PCNX3: variants seen among roughly 807,000 people sequenced by gnomAD.
The protein encoded by PCNX3 is pecanex-like protein 3.
In PCNX3, 58 loss-of-function variants were observed where a neutral mutation model predicts 207.2. The observed-to-expected ratio is 0.28, with a 90% CI of 0.23 to 0.35. The LOEUF (loss-of-function observed/expected upper bound fraction) is 0.35. PCNX3 is among the 10% of genes least tolerant of loss of function. The pLI is 1.00. For synonymous variants in PCNX3, 1,337 were observed against 1,183.5 expected (o/e 1.13, Z -2.66); for missense variants, 2,410 against 2,774.4 (o/e 0.87, Z 2.95).
chr11:65,619,115 C>G (rs1449088890), intron 6 of PCNX3, 48 bp downstream of exon 6: 3 of 1,475,016 alleles, frequency 2.0e-6, no homozygotes, highest in Non-Finnish European at 2.8e-6. Context: ...GAGCTACGGG[C>G]TTGGGGTTGG....
chr11:65,623,712 C>A (rs867362300), intron 12 of PCNX3, 68 bp downstream of exon 12: 2 of 1,582,754 alleles, frequency 1.3e-6, no homozygotes, highest in Non-Finnish European at 1.7e-6. Context: ...CCCACAACTC[C>A]AGTTTTAAGG....
rs762664101 is a variant in PCNX3 at position 65,635,471 on chromosome 11, T to C, written c.5184+23T>C. 1 of 1,607,656 alleles carries C rather than the reference T, an allele frequency of 6.2e-7. No individual in the cohort carries two copies. ...AAGGTTGGGCCGGCCCCACCTGCCC[T>C]AAGCCCTGCCCCAAACCCCCTTGGG... On this transcript the variant is annotated intron_variant, in intron 31 of 34. Transcript: ENST00000355703. The surrounding 1 kb of genome is among the most constrained non-coding windows in gnomAD (Gnocchi z 9.9).
rs991707580 is a variant in PCNX3, at chr11:65,616,810, A to C, written c.154-14A>C. On this transcript the variant is annotated splice_polypyrimidine_tract_variant and intron_variant, in intron 1 of 34. Transcript: ENST00000355703. Reference sequence around the variant, plus strand: ...GGCTTTGTGAAAAGGGACCTGGCTTACTTTCATCTTCAGGTCCTGCCTCCC... The same window carrying C: ...GGCTTTGTGAAAAGGGACCTGGCTTCCTTTCATCTTCAGGTCCTGCCTCCC... The C allele has an allele frequency of 6.2e-7, 1 of 1,605,348 alleles. No homozygotes were observed. The highest frequency in any genetic ancestry group is 1.3e-5 in the African/African-American group (1 of 74,804).
chr11:65,622,165 G>GC lies in PCNX3; in HGVS notation c.2236-80_2236-79insC. ...AAGGGGGGTAACAGTAGACCATGTG[G>GC]GGGGTGGCGGGGCTGACGGCCGCGG... On this transcript the variant is annotated intron_variant, in intron 10 of 34. Transcript: ENST00000355703. The GC allele has an allele frequency of 2.0e-6, 3 of 1,504,070 alleles. No individual in the cohort carries two copies. In the South Asian group the frequency reaches 3.8e-5, roughly 19 times the overall value. The allele number at this position is 1,504,070 out of a possible 1,614,324, so 93.2% of individuals were successfully genotyped here.
intron 5 of PCNX3, 22 bp from the exon 6 acceptor site, chr11:65,617,918 C>G: frequency 6.4e-7 from 1 of 1,558,608 alleles, no homozygotes; most frequent in South Asian, 1.2e-5. Context: ...TTTTCATTTT[C>G]TGTTTCCCTT....
rs371964481 is a variant in PCNX3 at position 65,635,348 on chromosome 11, C to A, written c.5084C>A (p.Thr1695Lys). 1 of 1,610,578 alleles carries A rather than the reference C, an allele frequency of 6.2e-7. No individual in the cohort carries two copies. Among genetic ancestry groups the A allele is most frequent in the East Asian group, 2.2e-5 (1 of 44,688 alleles). Residue 1695 changes from threonine to lysine, a missense_variant, in exon 31 of 35, where the codon ACG becomes AAG. Around this residue, in one of 8 missense-constraint regions of PCNX3, gnomAD observed 420 missense variants for 705.3 expected, o/e 0.60. Transcript: ENST00000355703. This position sits in a 1 kb window ranked among gnomAD's most constrained non-coding sequence, Gnocchi z 9.9. ...TGGCGCAGCGCCATCCTCAGCAACA[C>A]GCCCTCCCTGCTGGCGCTGCGCCAT... Reference protein sequence around the residue: ...PAWRSAILSNTPSLLALRHVL... With the variant: ...PAWRSAILSNKPSLLALRHVL...
intron 20 of PCNX3, 36 bp from the exon 21 acceptor site, chr11:65,626,868 G>A: frequency 6.4e-7 from 1 of 1,566,708 alleles, no homozygotes; most frequent in Non-Finnish European, 8.6e-7. Context: ...GCAGGCATGT[G>A]GAAGCCAGGT....
chr11:65,625,846 C>G lies in PCNX3; in HGVS notation c.3229-58C>G, dbSNP rs967434209. The G allele has an allele frequency of 2.5e-6, 4 of 1,599,220 alleles. No homozygotes were observed. In the South Asian group the frequency reaches 4.5e-5, roughly 18 times the overall value. On this transcript the variant is annotated intron_variant, in intron 19 of 34. Coordinates refer to ENST00000355703, the MANE Select transcript of PCNX3 (RefSeq NM_032223.4). The surrounding 1 kb of genome is among the most constrained non-coding windows in gnomAD (Gnocchi z 5.6). ...CCTCCCCGGCCTGTGCCAGGTGGCC[C>G]TCTGTGGTCCCTTGGCCTGCTCCCA...
rs1854911094 is a variant in PCNX3 at position 65,618,878 on chromosome 11, A to G, written c.1516A>G (p.Met506Val). 4.3e-6 allele frequency: 7 copies of G among 1,610,740 alleles called. No individual in the cohort carries two copies. The highest frequency in any genetic ancestry group is 1.3e-5 in the African/African-American group (1 of 75,026). ...SAKTHARVLS[M>V]DGAGGDVLRP... ...TAAAACACATGCCCGTGTGCTGAGC[A>G]TGGATGGGGCTGGGGGTGATGTTCT... The change falls in exon 6 of 35, where the codon ATG becomes GTG. Residue 506 changes from methionine to valine, a missense_variant. By Grantham distance (21) the Met-to-Val change is conservative. Coordinates refer to ENST00000355703, the MANE Select transcript of PCNX3 (RefSeq NM_032223.4).
In PCNX3 at chr11:65,617,253, C is replaced by G; in HGVS notation, c.345C>G (p.Asp115Glu). Residue 115 changes from aspartate (D) to glutamate (E), a missense_variant, in exon 3 of 35, where the codon GAC becomes GAG. Around this residue, in one of 8 missense-constraint regions of PCNX3, gnomAD observed 1,104 missense variants for 970.3 expected, o/e 1.14. Coordinates refer to ENST00000355703, the MANE Select transcript of PCNX3 (RefSeq NM_032223.4). ...TGCTGCTCTTTTTCACCGCCAGGGA[C>G]CCCGGAGTGGAGATGACAGTGTTCC... ...PAQGDSNPPRDPGVEMTVFRK... is the reference protein window; with the variant it reads ...PAQGDSNPPREPGVEMTVFRK... 1 of 1,602,308 alleles carries G rather than the reference C, an allele frequency of 6.2e-7. No homozygotes were observed. The highest frequency in any genetic ancestry group is 1.1e-5 in the South Asian group (1 of 89,116).
Position 65,619,762 on chromosome 11 carries a change from A to G in PCNX3, c.1838A>G (p.Gln613Arg), listed in dbSNP as rs1343779681. Residue 613 changes from glutamine to arginine, a missense_variant, in exon 8 of 35, where the codon CAG becomes CGG. By Grantham distance (43) the Gln-to-Arg change is conservative. Transcript: ENST00000355703. ...SVMGSPPSSL[Q>R]EAQRGRAASH... ...GGGCTGACCCTCTCCAGCAGCCTGC[A>G]GGAAGCTCAGCGGGGCCGGGCTGCC... 1 of 1,570,004 alleles carries G rather than the reference A, an allele frequency of 6.4e-7. No individual in the cohort carries two copies.
chr11:65,621,208 C>T (rs979647283), intron 10 of PCNX3, among the ~76,000 whole-genome samples: 4 of 152,208 alleles, frequency 2.6e-5, no homozygotes, highest in African/African-American at 7.2e-5. Context: ...ACATTCCTAA[C>T]TCTGGAGGGT....
Position 65,634,978 on chromosome 11 carries a change from A to T in PCNX3, c.4811A>T (p.Glu1604Val). Residue 1604 changes from glutamate (E) to valine (V), a missense_variant, in exon 30 of 35, where the codon GAG (glutamate) becomes GTG (valine). By Grantham distance (121) the Glu-to-Val change is moderately radical. Coordinates refer to ENST00000355703, the MANE Select transcript of PCNX3 (RefSeq NM_032223.4). ...TASHSMSASLEPFLYGLHALF... is the reference protein window; with the variant it reads ...TASHSMSASLVPFLYGLHALF... ...CTGTTTTTCCTCCCACTTAGCCTGG[A>T]GCCCTTCCTCTACGGCCTGCACGCC... The T allele has an allele frequency of 6.2e-7, 1 of 1,612,532 alleles. No homozygotes were observed. The highest frequency in any genetic ancestry group is 8.5e-7 in the Non-Finnish European group (1 of 1,178,926).
At position 65,617,608 on chromosome 11, in the gene PCNX3, C is replaced by T. The variant is rs1483186788; in HGVS notation, c.482-3C>T. On this transcript the variant is annotated splice_region_variant and splice_polypyrimidine_tract_variant and intron_variant, in intron 4 of 34. Transcript: ENST00000355703. ...GCTGACACCTCTGGGGCCATGGTTG[C>T]AGACATCAAGGAGCTGGTGCGGGAG... The T allele has an allele frequency of 6.2e-7, 1 of 1,612,584 alleles. No individual in the cohort carries two copies. Among genetic ancestry groups the T allele is most frequent in the Non-Finnish European group, 8.5e-7 (1 of 1,179,274 alleles).
At position 65,624,358 on chromosome 11, in the gene PCNX3, T is replaced by C. The variant is rs1404351479; in HGVS notation, c.2708T>C (p.Val903Ala). 3 of 1,554,218 alleles carry C rather than the reference T, an allele frequency of 1.9e-6. No individual in the cohort carries two copies. The highest frequency in any genetic ancestry group is 2.6e-6 in the Non-Finnish European group (3 of 1,148,408). The change falls in exon 14 of 35, where the codon GTG (valine) becomes GCG (alanine). Residue 903 changes from valine to alanine, a missense_variant. Physicochemically the swap from Val to Ala is moderately conservative, Grantham distance 64. Around this residue, in one of 8 missense-constraint regions of PCNX3, gnomAD observed 177 missense variants for 257.5 expected, o/e 0.69. Coordinates refer to ENST00000355703, the MANE Select transcript of PCNX3 (RefSeq NM_032223.4). ...TCCTTCTTCTTCTGTGCCCGAGACG[T>C]GGCCACTGGTGAGGCTGGGGCAGGG... is the stretch of plus-strand genomic sequence containing the variant. ...SASFFFCARD[V>A]ATVFTLCFPF...
chr11:65,631,517 G>A (rs1177565690), intron 27 of PCNX3, among the ~76,000 whole-genome samples: 3 of 152,116 alleles, frequency 2.0e-5, no homozygotes, highest in Admixed American at 2.0e-4. Context: ...TAATTAGCCG[G>A]GTGTGATGGC....
At chr11:65,626,168 A>C (rs1327543493) in intron 20 of PCNX3, 114 bp downstream of exon 20, 4 of 1,383,530 alleles carry the variant, frequency 2.9e-6, no homozygotes, top group South Asian at 1.2e-5. Context: ...CTCGCTGCCC[A>C]CACTACCCTT....
intron 22 of PCNX3, among the ~76,000 whole-genome samples, chr11:65,628,148 C>G (rs956682410): frequency 6.6e-6 from 1 of 152,184 alleles, no homozygotes; most frequent in Non-Finnish European, 1.5e-5. Context: ...TTCTTGTTTT[C>G]TGGCCTGGCC....
Position 65,620,349 on chromosome 11 carries a change from T to C in PCNX3, c.2019T>C (p.Arg673=). 6.2e-7 allele frequency: 1 copy of C among 1,613,304 alleles called. No homozygotes were observed. Among genetic ancestry groups the C allele is most frequent in the Non-Finnish European group, 8.5e-7 (1 of 1,179,672 alleles). The change falls in exon 9 of 35, where the codon CGT becomes CGC. Residue 673 remains arginine, a synonymous_variant. Coordinates refer to ENST00000355703, the MANE Select transcript of PCNX3 (RefSeq NM_032223.4). ...CATACCCTGCCCCAGGTGTGCGGCG[T>C]TCCTACACCTTTGGCCTGGCTGGAG... ...HYFYDESGVR[R]SYTFGLAGGG...
Sources: allele counts gnomAD v4.1 joint callset (sites outside exome capture counted in the v4.1 genomes callset), GRCh38; gene constraint gnomAD v4.1.1; regional missense constraint gnomAD v4.1.1; non-coding constraint Gnocchi (gnomAD v3.1); transcripts MANE v1.5; gene names NCBI Gene and HGNC (gene_info 2026-07-23, HGNC 2026-07-21).